Variants in GLIS3 observed in about 807,000 individuals in gnomAD.
The protein encoded by GLIS3 is zinc finger protein GLIS3.
In GLIS3, 53 loss-of-function variants were observed where a neutral mutation model predicts 78.6. That is an observed-to-expected ratio of 0.67 (90% CI 0.54 to 0.85). The LOEUF is 0.85. Among genes scored for constraint, GLIS3 ranks in the 40% least tolerant of loss-of-function variants. The pLI is 0.00. For synonymous variants in GLIS3, 684 were observed against 509.9 expected, an observed-to-expected ratio of 1.34 and a Z score of -4.60; for missense variants, 1,703 against 1,231.1, an observed-to-expected ratio of 1.38 and a Z score of -5.74.
chr9:4,463,421 C>T, the GLIS3 span, among the ~76,000 whole-genome samples: 85,136 of 151,738 alleles, frequency 0.56, 23,901 homozygotes, highest in Middle Eastern at 0.73. Flanking sequence ...TGCTCTCTCA[C>T]CCAACCCTCT....
rs559810780 is a variant in GLIS3, at chr9:3,835,365, C to G, written c.2474-5873G>C. 5.3e-5 allele frequency among the ~76,000 whole-genome samples: 8 copies of G among 152,282 alleles called. No homozygotes were observed. The South Asian group carries it at 1.7e-3, about 32-fold the overall frequency. ...ATCAGGAAGGTTCCCCAGAATTTCC[C>G]CCTCCAGAGTGTGACCTAGTCAGGC... On this transcript the variant is annotated intron_variant, in intron 9 of 10. Coordinates refer to ENST00000381971, the MANE Select transcript of GLIS3 (RefSeq NM_001042413.2).
chr9:3,943,137 T>C (rs546012174), intron 4 of GLIS3, among the ~76,000 whole-genome samples: 1 of 152,338 alleles, frequency 6.6e-6, no homozygotes, highest in Admixed American at 6.5e-5. Flanking sequence ...GGTCACCTCA[T>C]GCCACTCTGG....
Position 3,825,124 on chromosome 9 carries a change from G to A in GLIS3, c.*3148C>T, listed in dbSNP as rs1588032989. On this transcript the variant is annotated 3_prime_UTR_variant, in exon 11 of 11. Coordinates refer to ENST00000381971, the MANE Select transcript of GLIS3 (RefSeq NM_001042413.2). ...AGATGAGGGAGTTGAATTTATCCTT[G>A]CTCAAAATTGGTTTTAGGGGCTACT... The A allele has an allele frequency of 6.6e-6, 1 of 152,260 alleles. No individual in the cohort carries two copies. Among genetic ancestry groups the A allele is most frequent in the South Asian group, 2.1e-4 (1 of 4,814 alleles). 9.4% of individuals were successfully genotyped at this position (152,260 alleles called of 1,614,324 possible).
At chr9:3,939,702 A>G (rs978155895) in intron 4 of GLIS3, among the ~76,000 whole-genome samples, 10 of 152,328 alleles carry the variant, frequency 6.6e-5, no homozygotes, top group Non-Finnish European at 5.9e-5. Flanking sequence ...ACAGCATTAC[A>G]GTATTCTCGG....
At chr9:4,427,130 A>G in the GLIS3 span, among the ~76,000 whole-genome samples, 1 of 152,216 alleles carries the variant, frequency 6.6e-6, no homozygotes. Flanking sequence ...TAGTGTTGCC[A>G]TCTATATTTT....
intron 2 of GLIS3, among the ~76,000 whole-genome samples, chr9:4,242,828 A>C (rs1298672529): frequency 6.6e-6 from 1 of 152,164 alleles, no homozygotes; most frequent in African/African-American, 2.4e-5. Context: ...TTAGATAAAA[A>C]TGTATTACAT....
chr9:4,424,204 C>G, the GLIS3 span, among the ~76,000 whole-genome samples: 3 of 152,134 alleles, frequency 2.0e-5, no homozygotes, highest in Non-Finnish European at 4.4e-5. Flanking sequence ...GAACTTTGGA[C>G]TTAAAATCAG....
At chr9:3,973,625 A>G (rs1269019198) in intron 4 of GLIS3, among the ~76,000 whole-genome samples, 1 of 152,226 alleles carries the variant, frequency 6.6e-6, no homozygotes, top group African/African-American at 2.4e-5. Context: ...ATTCCTAACT[A>G]TGATACTTTA....
intron 4 of GLIS3, among the ~76,000 whole-genome samples, chr9:4,052,964 T>G (rs758850362): frequency 1.3e-5 from 2 of 152,214 alleles, no homozygotes; most frequent in Non-Finnish European, 2.9e-5. Context: ...ATTTTTATTT[T>G]TTTGAAAGAG....
the GLIS3 span, among the ~76,000 whole-genome samples, chr9:4,457,329 C>G: frequency 2.2e-4 from 33 of 151,604 alleles, 1 homozygote; most frequent in East Asian, 6.2e-3. Flanking sequence ...CCACTGCACT[C>G]CAGCCTGGGC....
At chr9:4,239,193 G>C (rs1019654195) in intron 2 of GLIS3, among the ~76,000 whole-genome samples, 8 of 145,336 alleles carry the variant, frequency 5.5e-5, no homozygotes, top group African/African-American at 1.8e-4. Flanking sequence ...GGGAGGGATA[G>C]CATTAGGAGA....
At chr9:3,957,459 T>C (rs1196221390) in intron 4 of GLIS3, among the ~76,000 whole-genome samples, 4 of 151,942 alleles carry the variant, frequency 2.6e-5, no homozygotes, top group Non-Finnish European at 5.9e-5. Context: ...CTACAGGGAG[T>C]TGCAAGATGA....
chr9:4,474,467 T>C, the GLIS3 span, among the ~76,000 whole-genome samples: 2 of 152,142 alleles, frequency 1.3e-5, no homozygotes, highest in African/African-American at 4.8e-5. Flanking sequence ...GACAGGATGA[T>C]CTTTTCAATA....
chr9:4,050,544 C>T (rs1307599204), intron 4 of GLIS3, among the ~76,000 whole-genome samples: 1 of 151,974 alleles, frequency 6.6e-6, no homozygotes, highest in African/African-American at 2.4e-5. Flanking sequence ...CATGTATACC[C>T]ATGTATCAAA....
At chr9:4,401,686 G>C in the GLIS3 span, among the ~76,000 whole-genome samples, 1 of 151,554 alleles carries the variant, frequency 6.6e-6, no homozygotes, top group African/African-American at 2.4e-5. Flanking sequence ...TCATGCCTCA[G>C]CCTCAAGTGA....
intron 9 of GLIS3, among the ~76,000 whole-genome samples, chr9:3,834,957 C>T (rs539905519): frequency 8.7e-4 from 133 of 152,232 alleles, no homozygotes; most frequent in African/African-American, 3.0e-3. Flanking sequence ...CCATGTGCAC[C>T]AGGGTGGCGA....
At position 3,827,629 on chromosome 9, in the gene GLIS3, C is replaced by T. The variant is rs760633224; in HGVS notation, c.*643G>A. On this transcript the variant is annotated 3_prime_UTR_variant, in exon 11 of 11. Transcript: ENST00000381971. ...TACATTTTTTTTTCATTTTAAAATA[C>T]GTATAAATAACTAAGTCTTTAAAAT... 11 of 153,556 alleles carry T rather than the reference C, an allele frequency of 7.2e-5. No individual in the cohort carries two copies. The highest frequency in any genetic ancestry group is 2.0e-4 in the South Asian group (1 of 4,942). 9.5% of individuals were successfully genotyped at this position (153,556 alleles called of 1,614,324 possible).
intron 2 of GLIS3, among the ~76,000 whole-genome samples, chr9:4,314,216 T>C (rs1817405424): frequency 6.6e-6 from 1 of 152,224 alleles, no homozygotes; most frequent in Non-Finnish European, 1.5e-5. Flanking sequence ...ACTTAATACA[T>C]TGTAAGCACT....
chr9:4,256,664 A>G (rs148426104), intron 2 of GLIS3, among the ~76,000 whole-genome samples: 71 of 152,346 alleles, frequency 4.7e-4, no homozygotes, highest in African/African-American at 1.7e-3. Context: ...CACAATTCAC[A>G]TTAAAATTCA....
Sources: gnomAD v4.1 joint callset for allele counts (sites outside exome capture counted in the v4.1 genomes callset) on GRCh38, gnomAD v4.1.1 for gene constraint, MANE v1.5 for transcripts, NCBI Gene and HGNC (gene_info 2026-07-23, HGNC 2026-07-21) for gene names.